GAS6: variants seen among roughly 807,000 people sequenced by gnomAD.
GAS6 encodes the protein growth arrest specific 6.
A neutral mutation model predicts 75.8 loss-of-function variants in GAS6; 41 were observed. The observed-to-expected ratio is 0.54, with a 90% CI of 0.42 to 0.70. GAS6 has a LOEUF of 0.70. Ranked by LOEUF, GAS6 falls within the 30% of genes least tolerant of loss-of-function variation. The probability of loss-of-function intolerance (pLI) is 0.00; values close to 1 mark genes in which losing one functional copy is unlikely to be tolerated. For missense variants in GAS6, 854 were observed against 940.2 expected (o/e 0.91, Z 1.20); for synonymous variants, 432 against 412.6 (o/e 1.05, Z -0.57).
chr13:113,828,814 C>T (rs531956602), intron 10 of GAS6, 103 bp from the exon 11 acceptor site: 31 of 1,356,580 alleles, frequency 2.3e-5, no homozygotes, highest in African/African-American at 1.7e-4. Context: ...AAGAGGGTCC[C>T]GACCTCGGGG....
chr13:113,863,542 G>A lies in GAS6; in HGVS notation c.255+33C>T. 2 of 1,492,138 alleles carry A rather than the reference G, an allele frequency of 1.3e-6. No homozygotes were observed. Among genetic ancestry groups the A allele is most frequent in the Non-Finnish European group, 1.8e-6 (2 of 1,126,522 alleles). The allele number at this position is 1,492,138 out of a possible 1,614,324, so 92.4% of individuals were successfully genotyped here. On this transcript the variant is annotated intron_variant, in intron 2 of 14. Transcript: ENST00000327773. This position sits in a 1 kb window ranked among gnomAD's most constrained non-coding sequence, Gnocchi z 9.4. ...CGGTTGGAGGCGCGCGGGCGCCAGG[G>A]GTTCCCCCGCATCCCGCCCGCCGGC...
intron 11 of GAS6, 54 bp downstream of exon 11, chr13:113,828,493 T>C: frequency 6.4e-7 from 1 of 1,564,150 alleles, no homozygotes; most frequent in South Asian, 1.2e-5. Flanking sequence ...CCTGACACCG[T>C]TCCCGGGATC....
Position 113,833,681 on chromosome 13 carries a change from C to T in GAS6, c.834+870G>A, listed in dbSNP as rs552778794. ...TGTGACAGGTCGGTGTGACAGACACCGGTGACAAGTCAGTGTGACAGGCAG... is the reference window on the plus strand; with the variant it reads ...TGTGACAGGTCGGTGTGACAGACACTGGTGACAAGTCAGTGTGACAGGCAG... On this transcript the variant is annotated intron_variant, in intron 8 of 14. Coordinates refer to ENST00000327773, the MANE Select transcript of GAS6 (RefSeq NM_000820.4). 120 of 987,302 alleles carry T rather than the reference C, an allele frequency of 1.2e-4. No homozygotes were observed. The South Asian group carries it at 2.5e-3, about 20-fold the overall frequency. 61.2% of individuals were successfully genotyped at this position (987,302 alleles called of 1,614,324 possible).
chr13:113,833,063 A>T, intron 8 of GAS6: 1 of 1,260,774 alleles, frequency 7.9e-7, no homozygotes. Flanking sequence ...AATTACAGAG[A>T]ATCATTAAAA....
In GAS6 at chr13:113,833,735, C is replaced by T. The variant is rs112679388; in HGVS notation, c.834+816G>A. ...TGTGACAGGCACCGGTGTGACAGGT[C>T]GGTGTGACAGGTACTGTTGTGACAG... On this transcript the variant is annotated intron_variant, in intron 8 of 14. Transcript: ENST00000327773. 507 of 864,720 alleles carry T rather than the reference C, an allele frequency of 5.9e-4. 4 individuals carry two copies. The African/African-American group carries it at 8.5e-3, about 14-fold the overall frequency. 53.6% of individuals were successfully genotyped at this position (864,720 alleles called of 1,614,324 possible).
At position 113,820,900 on chromosome 13, in the gene GAS6, G is replaced by A; in HGVS notation, c.2001C>T (p.Ala667=). The A allele has an allele frequency of 6.2e-7, 1 of 1,611,880 alleles. No homozygotes were observed. The highest frequency in any genetic ancestry group is 8.5e-7 in the Non-Finnish European group (1 of 1,179,864). Residue 667 remains alanine (A), a synonymous_variant, in exon 15 of 15, where the codon GCC becomes GCT. Transcript: ENST00000327773. ...EAAYKHSDIT[A]HSCPPVEPAA... is the part of the protein sequence containing the mutation. ...CGGGCTCCACGGGGGGGCAGGAGTG[G>A]GCCGTGATGTCGCTGTGCTTGTACG...
intron 5 of GAS6, 103 bp from the exon 6 acceptor site, chr13:113,838,294 G>T (rs552250511): frequency 6.9e-7 from 1 of 1,459,258 alleles, no homozygotes; most frequent in Admixed American, 1.7e-5. Context: ...GGAGCAGGGA[G>T]GGAGCCCAGA....
Position 113,852,560 on chromosome 13 carries a change from G to A in GAS6, c.256-4510C>T, listed in dbSNP as rs764591485. ...TGTCTGATGAGTAGATGCCACCTCC[G>A]GACCCTGGCATCCGCCTCTGCTGCC... On this transcript the variant is annotated intron_variant, in intron 2 of 14. Transcript: ENST00000327773. Among the ~76,000 whole-genome samples the A allele has an allele frequency of 9.9e-5, 15 of 152,164 alleles. 1 individual carries two copies. Among genetic ancestry groups the A allele is most frequent in the Middle Eastern group, 6.3e-3 (2 of 316 alleles).
At chr13:113,856,181 G>A (rs868150389) in intron 2 of GAS6, among the ~76,000 whole-genome samples, 1 of 152,202 alleles carries the variant, frequency 6.6e-6, no homozygotes, top group South Asian at 2.1e-4. Context: ...GCTCCCCGCA[G>A]CCGCCCTGTG....
intron 6 of GAS6, among the ~76,000 whole-genome samples, chr13:113,836,869 T>TG (rs1388047496): frequency 2.5e-3 from 20 of 8,020 alleles, no homozygotes; most frequent in South Asian, 5.9e-3. Context: ...GGAGGGGGAG[T>TG]GGGGAGAGGA....
At position 113,832,326 on chromosome 13, in the gene GAS6, C is replaced by T. The variant is rs752128196; in HGVS notation, c.1116G>A (p.Pro372=). ...TCTGCCACATGCCATGGTTGATGAC[C>T]GGGCCGCTGCTGGTGACACGGCCGA... The part of the protein sequence containing the change: ...NGVGRVTSSG[P]VINHGMWQTI... Residue 372 remains proline (P), a synonymous_variant, in exon 10 of 15, where the codon CCG becomes CCA. Transcript: ENST00000327773. 3.9e-5 allele frequency: 62 copies of T among 1,600,810 alleles called. No homozygotes were observed. Among genetic ancestry groups the T allele is most frequent in the Admixed American group, 3.0e-4 (18 of 59,974 alleles).
At position 113,863,923 on chromosome 13, in the gene GAS6, CG is replaced by C. The variant is rs1408552467; in HGVS notation, c.-4del. On this transcript the variant is annotated 5_prime_UTR_variant, in exon 1 of 15. Transcript: ENST00000327773. This position sits in a 1 kb window ranked among gnomAD's most constrained non-coding sequence, Gnocchi z 9.4. ...CCGGGCGAGAGCGAAGGGGCCATGG[CG>C]GGCCGGGGACGCGCGGTCAGAGCGC... 4.6e-5 allele frequency: 53 copies of C among 1,148,646 alleles called. No homozygotes were observed. The highest frequency in any genetic ancestry group is 4.5e-5 in the Non-Finnish European group (42 of 935,884). 71.2% of individuals were successfully genotyped at this position (1,148,646 alleles called of 1,614,324 possible). A position where few individuals can be genotyped will look rare whatever the true frequency, so the allele number is the denominator to read the frequency against.
chr13:113,828,818 C>T lies in GAS6; in HGVS notation c.1144-107G>A, dbSNP rs1263692166. ...TCTCCTGAGCCAAGAGGGTCCCGAC[C>T]TCGGGGAGGCCACCTGATCCTCACC... On this transcript the variant is annotated intron_variant, in intron 10 of 14. Coordinates refer to ENST00000327773, the MANE Select transcript of GAS6 (RefSeq NM_000820.4). The T allele has an allele frequency of 5.5e-6, 7 of 1,267,286 alleles. No individual in the cohort carries two copies. In the East Asian group the frequency reaches 7.1e-5, roughly 13 times the overall value. The allele number at this position is 1,267,286 out of a possible 1,614,324, so 78.5% of individuals were successfully genotyped here.
intron 11 of GAS6, among the ~76,000 whole-genome samples, chr13:113,828,317 CT>C (rs1239766068): frequency 6.6e-6 from 1 of 152,124 alleles, no homozygotes; most frequent in East Asian, 1.9e-4. Flanking sequence ...AAATAGACAA[CT>C]TTATTATCAA....
At chr13:113,855,895 C>T (rs750177809) in intron 2 of GAS6, among the ~76,000 whole-genome samples, 1 of 152,178 alleles carries the variant, frequency 6.6e-6, no homozygotes, top group Non-Finnish European at 1.5e-5. Flanking sequence ...CCAAATTCAC[C>T]TGGGTTGCTC....
intron 7 of GAS6, among the ~76,000 whole-genome samples, chr13:113,835,198 G>A (rs2051686910): frequency 6.6e-6 from 1 of 152,258 alleles, no homozygotes. Context: ...GTAGAGGGAG[G>A]CTTGCTGCTC....
chr13:113,823,853 C>T (rs1032671226), intron 12 of GAS6, among the ~76,000 whole-genome samples: 2 of 151,712 alleles, frequency 1.3e-5, no homozygotes, highest in African/African-American at 2.4e-5. Context: ...CACCATGGGA[C>T]GCAGGCCTGT....
chr13:113,825,736 G>A (rs1236041857), intron 12 of GAS6, among the ~76,000 whole-genome samples: 5 of 152,236 alleles, frequency 3.3e-5, no homozygotes, highest in South Asian at 2.1e-4. Context: ...GAGGGAGAAC[G>A]CGTGTGCACA....
intron 14 of GAS6, 179 bp from the exon 15 acceptor site, chr13:113,821,197 A>G: frequency 1.5e-6 from 1 of 650,298 alleles, no homozygotes; most frequent in Non-Finnish European, 2.6e-6. Flanking sequence ...GCAGACAAGC[A>G]GGAGGCATCT....
Sources: allele counts gnomAD v4.1 joint callset (sites outside exome capture counted in the v4.1 genomes callset), GRCh38; gene constraint gnomAD v4.1.1; non-coding constraint Gnocchi (gnomAD v3.1); transcripts MANE v1.5; gene names NCBI Gene and HGNC (gene_info 2026-07-23, HGNC 2026-07-21).